Variants in PRIM2 observed in about 807,000 individuals in gnomAD.
PRIM2 encodes DNA primase subunit 2.
In PRIM2, 39 loss-of-function variants were observed where a neutral mutation model predicts 67.3. The observed-to-expected ratio is 0.58, with a 90% CI of 0.45 to 0.76. The LOEUF is 0.76. Among genes scored for constraint, PRIM2 ranks in the 30% least tolerant of loss-of-function variants. The pLI is 0.00. For synonymous variants in PRIM2, 143 were observed against 198.7 expected (o/e 0.72, Z 2.36); for missense variants, 398 against 598.7 (o/e 0.66, Z 3.50).
chr6:57,353,196 A>G (rs1410129221), intron 5 of PRIM2, among the ~76,000 whole-genome samples: 1 of 151,118 alleles, frequency 6.6e-6, no homozygotes, highest in Non-Finnish European at 1.5e-5. Context: ...TGAACTGGCT[A>G]ATATTTTCTG....
chr6:57,537,201 A>G (rs1775019578), intron 9 of PRIM2, among the ~76,000 whole-genome samples: 1 of 152,230 alleles, frequency 6.6e-6, no homozygotes, highest in South Asian at 2.1e-4. Flanking sequence ...AAATTTTAAT[A>G]GTATGTTATT....
chr6:57,260,619 A>T, the PRIM2 span, among the ~76,000 whole-genome samples: 6 of 152,186 alleles, frequency 3.9e-5, no homozygotes, highest in Non-Finnish European at 4.4e-5. Flanking sequence ...TCCTTTGCAT[A>T]AATTTTAAGT....
At chr6:57,440,345 T>C (rs1273234778) in intron 7 of PRIM2, among the ~76,000 whole-genome samples, 2 of 152,180 alleles carry the variant, frequency 1.3e-5, no homozygotes, top group Non-Finnish European at 2.9e-5. Context: ...GCTGCAGTGT[T>C]ATAGTGTGAT....
At chr6:57,294,694 A>G in the PRIM2 span, among the ~76,000 whole-genome samples, 1 of 151,886 alleles carries the variant, frequency 6.6e-6, no homozygotes, top group Non-Finnish European at 1.5e-5. Context: ...ATACACATAT[A>G]AATATACTTT....
intron 10 of PRIM2, among the ~76,000 whole-genome samples, chr6:57,570,535 AT>A (rs1400718681): frequency 8.5e-5 from 13 of 152,096 alleles, no homozygotes; most frequent in Non-Finnish European, 1.8e-4. Context: ...CATTAAGATA[AT>A]TTTTCTAATT....
intron 5 of PRIM2, among the ~76,000 whole-genome samples, chr6:57,326,627 A>C (rs1197234706): frequency 2.0e-5 from 3 of 152,012 alleles, no homozygotes. Context: ...AGGCTAAGGC[A>C]TGAAAATTGC....
intron 5 of PRIM2, among the ~76,000 whole-genome samples, chr6:57,376,988 TTCCCCACCCTCC>T (rs1409405629): frequency 6.6e-6 from 1 of 152,024 alleles, no homozygotes; most frequent in Non-Finnish European, 1.5e-5. Context: ...GCAATTCTTC[TTCCCCACCCTCC>T]TGAGTAGCTG....
At chr6:57,236,936 G>A in the PRIM2 span, among the ~76,000 whole-genome samples, 1 of 152,138 alleles carries the variant, frequency 6.6e-6, no homozygotes, top group South Asian at 2.1e-4. Flanking sequence ...TACCAGTAAT[G>A]GGATGGCTGG....
At chr6:57,293,785 A>G in the PRIM2 span, among the ~76,000 whole-genome samples, 1 of 149,140 alleles carries the variant, frequency 6.7e-6, no homozygotes, top group Non-Finnish European at 1.5e-5. Flanking sequence ...GAATTGGACA[A>G]TGAGAACAAA....
intron 7 of PRIM2, among the ~76,000 whole-genome samples, chr6:57,420,672 A>C (rs1771434389): frequency 6.6e-6 from 1 of 152,172 alleles, no homozygotes; most frequent in Non-Finnish European, 1.5e-5. Flanking sequence ...AGGCTTTTTG[A>C]TATCTGCCAG....
At chr6:57,367,545 C>T (rs1410496941) in intron 5 of PRIM2, among the ~76,000 whole-genome samples, 2 of 152,150 alleles carry the variant, frequency 1.3e-5, no homozygotes, top group Non-Finnish European at 2.9e-5. Context: ...AAACTTAAAA[C>T]AGTACCCATC....
chr6:57,244,494 C>T, the PRIM2 span, among the ~76,000 whole-genome samples: 1 of 152,280 alleles, frequency 6.6e-6, no homozygotes, highest in South Asian at 2.1e-4. Context: ...GGCGCGGTGG[C>T]TTACACCTGT....
the PRIM2 span, among the ~76,000 whole-genome samples, chr6:57,235,918 T>C: frequency 6.6e-6 from 1 of 152,232 alleles, no homozygotes; most frequent in South Asian, 2.1e-4. Context: ...CCTCCAGAAG[T>C]TGGAAGAGCC....
the PRIM2 span, among the ~76,000 whole-genome samples, chr6:57,223,148 A>T: frequency 1.3e-5 from 2 of 152,268 alleles, no homozygotes; most frequent in African/African-American, 4.8e-5. Context: ...ACAGGCAATA[A>T]CGTGAATCAA....
At chr6:57,591,934 C>G (rs1158963784) in intron 10 of PRIM2, among the ~76,000 whole-genome samples, 9 of 152,018 alleles carry the variant, frequency 5.9e-5, no homozygotes, top group African/African-American at 1.5e-4. Flanking sequence ...ACCCATCAAA[C>G]GTGAATTAGA....
intron 5 of PRIM2, among the ~76,000 whole-genome samples, chr6:57,353,740 G>C (rs1768932916): frequency 6.6e-6 from 1 of 151,944 alleles, no homozygotes; most frequent in Non-Finnish European, 1.5e-5. Context: ...TAGAGCAGAG[G>C]GGCTGTCTCC....
chr6:57,298,713 T>C, the PRIM2 span, among the ~76,000 whole-genome samples: 1 of 152,190 alleles, frequency 6.6e-6, no homozygotes, highest in South Asian at 2.1e-4. Flanking sequence ...ACTAATTTAT[T>C]TTCATTTGTG....
At chr6:57,590,891 T>C (rs1776271373) in intron 10 of PRIM2, among the ~76,000 whole-genome samples, 1 of 152,210 alleles carries the variant, frequency 6.6e-6, no homozygotes, top group Admixed American at 6.5e-5. Flanking sequence ...AACTCCTTTT[T>C]TACATAAAAG....
intron 5 of PRIM2, among the ~76,000 whole-genome samples, chr6:57,365,384 G>A (rs1769323303): frequency 6.6e-6 from 1 of 150,652 alleles, no homozygotes; most frequent in Admixed American, 6.6e-5. Flanking sequence ...TGTTGGTCTA[G>A]CAACTTCTTA....
Sources: allele counts gnomAD v4.1 joint callset (sites outside exome capture counted in the v4.1 genomes callset), GRCh38; gene constraint gnomAD v4.1.1; transcripts MANE v1.5; gene names NCBI Gene and HGNC (gene_info 2026-07-23, HGNC 2026-07-21).